The following DPYSL4 variants were observed in gnomAD, a reference collection of about 807,000 sequenced individuals.
DPYSL4 encodes dihydropyrimidinase like 4, also known as dihydropyrimidinase-related protein 4.
A neutral mutation model predicts 63.4 loss-of-function variants in DPYSL4; 43 were observed. That is an observed-to-expected ratio of 0.68 (90% confidence interval 0.53 to 0.88). The LOEUF (loss-of-function observed/expected upper bound fraction) is 0.88. Among genes scored for constraint, DPYSL4 ranks in the 40% least tolerant of loss-of-function variants. The pLI is 0.00. For synonymous variants in DPYSL4, 353 were observed against 331.7 expected, an observed-to-expected ratio of 1.06 and a Z score of -0.70; for missense variants, 733 against 819.5, an observed-to-expected ratio of 0.89 and a Z score of 1.29.
In DPYSL4 at chr10:132,193,536, A is replaced by G. The variant is rs371114752; in HGVS notation, c.313+694A>G. Among the ~76,000 whole-genome samples the G allele has an allele frequency of 9.6e-4, 147 of 152,370 alleles. 2 individuals are homozygous for G. In the South Asian group the frequency reaches 0.03, roughly 31 times the overall value. ...AGCTCAGGAGGCAGGACGAGGCCTC[A>G]GAGCCTAGACCTTGACTGCACTGTG... On this transcript the variant is annotated intron_variant, in intron 3 of 13. Transcript: ENST00000338492.
intron 11 of DPYSL4, 149 bp from the exon 12 acceptor site, chr10:132,202,497 C>T (rs922748714): frequency 2.6e-5 from 27 of 1,042,418 alleles, no homozygotes; most frequent in Non-Finnish European, 3.5e-5. Flanking sequence ...GAGTTCCAAC[C>T]CCTCAGTTCC....
chr10:132,193,394 C>T lies in DPYSL4; in HGVS notation c.313+552C>T, dbSNP rs867269876. On this transcript the variant is annotated intron_variant, in intron 3 of 13. Transcript: ENST00000338492. ...CCGGCACGGGCTCTATCCTGACACC[C>T]ATCGGCTCACATGCTCTCCTCCTAA... is the stretch of plus-strand genomic sequence containing the variant. 3.9e-5 allele frequency among the ~76,000 whole-genome samples: 6 copies of T among 152,388 alleles called. No individual in the cohort carries two copies. The South Asian group carries it at 1.0e-3, about 26-fold the overall frequency.
At chr10:132,202,921 C>T (rs891354304) in intron 12 of DPYSL4, 96 bp downstream of exon 12, 15 of 1,440,000 alleles carry the variant, frequency 1.0e-5, no homozygotes, top group South Asian at 2.7e-5. Context: ...CCCGGCCTCC[C>T]GAGGGGTCAG....
chr10:132,190,860 T>TA, intron 2 of DPYSL4, 25 bp downstream of exon 2: 1 of 1,609,774 alleles, frequency 6.2e-7, no homozygotes, highest in East Asian at 2.2e-5. Context: ...AAAATGAAAA[T>TA]ACGTTCCCAG....
chr10:132,203,798 G>A lies in DPYSL4; in HGVS notation c.1498G>A (p.Asp500Asn), dbSNP rs774058218. Residue 500 changes from aspartate (D) to asparagine (N), a missense_variant, in exon 13 of 14, where the codon GAC (aspartate) becomes AAC (asparagine). Coordinates refer to ENST00000338492, the MANE Select transcript of DPYSL4 (RefSeq NM_006426.3). ...CCACGGTGTGCCCCGTGGACTGTAT[G>A]ACGGGCCCGTCCACGAGGTGATGGT... ...EIHGVPRGLY[D>N]GPVHEVMVPA... 12 of 1,612,248 alleles carry A rather than the reference G, an allele frequency of 7.4e-6. No individual in the cohort carries two copies. Among genetic ancestry groups the A allele is most frequent in the Non-Finnish European group, 9.3e-6 (11 of 1,179,582 alleles).
intron 12 of DPYSL4, among the ~76,000 whole-genome samples, chr10:132,203,040 GGCCCTGGATCA>G (rs1462187205): frequency 2.0e-5 from 3 of 152,252 alleles, no homozygotes; most frequent in African/African-American, 7.2e-5. Context: ...GGGACCTTCA[GGCCCTGGATCA>G]GCTCTGCAAG....
chr10:132,187,170 G>T, intron 1 of DPYSL4, 68 bp downstream of exon 1: 1 of 1,224,188 alleles, frequency 8.2e-7, no homozygotes, highest in East Asian at 2.8e-5. Flanking sequence ...GACGCCGGGC[G>T]GACCCTCCTG....
At chr10:132,201,725 C>T (rs529440542) in intron 10 of DPYSL4, among the ~76,000 whole-genome samples, 7 of 152,338 alleles carry the variant, frequency 4.6e-5, no homozygotes, top group Non-Finnish European at 8.8e-5. Flanking sequence ...GCCTGGTATC[C>T]GTCTTTGTGG....
At chr10:132,189,570 C>T (rs1411091604) in intron 1 of DPYSL4, among the ~76,000 whole-genome samples, 1 of 152,198 alleles carries the variant, frequency 6.6e-6, no homozygotes, top group East Asian at 1.9e-4. Context: ...ACTGGGAGTG[C>T]GTCCGAGCTG....
intron 1 of DPYSL4, among the ~76,000 whole-genome samples, chr10:132,187,339 C>G (rs1241494371): frequency 5.0e-5 from 1 of 19,912 alleles, no homozygotes; most frequent in South Asian, 2.2e-3. Flanking sequence ...CGGCCCGGCC[C>G]GGCCCTGCCC....
chr10:132,204,738 C>G (rs902017840), intron 13 of DPYSL4, 101 bp from the exon 14 acceptor site: 1 of 1,060,118 alleles, frequency 9.4e-7, no homozygotes, highest in African/African-American at 1.6e-5. Context: ...CTCTGCAGTC[C>G]TGGCCCCACT....
At chr10:132,191,158 A>G (rs28623712) in intron 2 of DPYSL4, among the ~76,000 whole-genome samples, 1,123 of 54,708 alleles carry the variant, frequency 0.021, no homozygotes, top group African/African-American at 0.062. Context: ...TTGTGTACAC[A>G]CTGGTCACGT....
Position 132,205,698 on chromosome 10 carries a change from T to G in DPYSL4, c.*768T>G, listed in dbSNP as rs949545679. The G allele has an allele frequency of 3.3e-5, 5 of 152,384 alleles. No homozygotes were observed. The highest frequency in any genetic ancestry group is 1.2e-4 in the African/African-American group (5 of 41,570). 9.4% of individuals were successfully genotyped at this position (152,384 alleles called of 1,614,324 possible). A position where few individuals can be genotyped will look rare whatever the true frequency, so the allele number is the denominator to read the frequency against. On this transcript the variant is annotated 3_prime_UTR_variant, in exon 14 of 14. Transcript: ENST00000338492. ...GAACCTGTGCATGCCACCCACCGCCTGGACAGGCAGTCATCCTGCCTCTGA... is the reference window on the plus strand; with the variant it reads ...GAACCTGTGCATGCCACCCACCGCCGGGACAGGCAGTCATCCTGCCTCTGA...
intron 8 of DPYSL4, among the ~76,000 whole-genome samples, chr10:132,199,864 GGCCAGGCCCTTCTCAGGGGTACCCCACCC>G (rs2061989830): frequency 1.3e-5 from 2 of 151,954 alleles, no homozygotes; most frequent in Non-Finnish European, 2.9e-5. Context: ...CGGGGCAGCA[GGCCAGGCCCTTCTCAGGGGTACCCCACCC>G]GCCAGGCTCT....
chr10:132,199,207 A>G (rs1435545801), intron 8 of DPYSL4, among the ~76,000 whole-genome samples: 2 of 152,084 alleles, frequency 1.3e-5, no homozygotes, highest in Non-Finnish European at 2.9e-5. Context: ...GAGGCAAAAC[A>G]TGGGGACGCT....
chr10:132,201,166 G>C (rs891897482), intron 10 of DPYSL4, among the ~76,000 whole-genome samples, 183 bp downstream of exon 10: 3 of 152,180 alleles, frequency 2.0e-5, no homozygotes, highest in Non-Finnish European at 4.4e-5. Context: ...GGCCCCTCCA[G>C]ATGAGACTCC....
At chr10:132,202,465 G>A (rs2062031296) in intron 11 of DPYSL4, among the ~76,000 whole-genome samples, 181 bp from the exon 12 acceptor site, 1 of 152,210 alleles carries the variant, frequency 6.6e-6, no homozygotes, top group Non-Finnish European at 1.5e-5. Context: ...AGGTCCGTAG[G>A]CCGAGGGGGG....
chr10:132,195,481 T>C (rs907917012), intron 4 of DPYSL4, among the ~76,000 whole-genome samples: 1 of 152,202 alleles, frequency 6.6e-6, no homozygotes, highest in Non-Finnish European at 1.5e-5. Context: ...ACAAGTGGCA[T>C]ATCTGATTAT....
At chr10:132,192,042 G>A (rs1381780087) in intron 2 of DPYSL4, among the ~76,000 whole-genome samples, 1 of 103,504 alleles carries the variant, frequency 9.7e-6, no homozygotes, top group Admixed American at 1.1e-4. Flanking sequence ...CGCTGGTCAC[G>A]TGGTATCCAG....
Sources: allele counts gnomAD v4.1 joint callset (sites outside exome capture counted in the v4.1 genomes callset), GRCh38; gene constraint gnomAD v4.1.1; transcripts MANE v1.5; gene names NCBI Gene and HGNC (gene_info 2026-07-23, HGNC 2026-07-21).